FAM117A: variants seen among roughly 807,000 people sequenced by gnomAD.
The protein encoded by FAM117A is family with sequence similarity 117 member A.
FAM117A carries 21 observed loss-of-function variants against 44.1 expected under a neutral mutation model. That is an observed-to-expected ratio of 0.48 (90% CI 0.34 to 0.69). The LOEUF (loss-of-function observed/expected upper bound fraction) is 0.69, where lower values mean the gene tolerates loss of function less well. FAM117A is among the 30% of genes least tolerant of loss of function. The probability of loss-of-function intolerance (pLI) is 0.01; values close to 1 mark genes in which losing one functional copy is unlikely to be tolerated. For synonymous variants in FAM117A, 220 were observed against 238.3 expected (o/e 0.92, Z 0.71); for missense variants, 498 against 589.9 (o/e 0.84, Z 1.61).
At chr17:49,718,284 G>A (rs753219546) in intron 5 of FAM117A, among the ~76,000 whole-genome samples, 1 of 152,194 alleles carries the variant, frequency 6.6e-6, no homozygotes, top group Non-Finnish European at 1.5e-5. Context: ...CCAACTAGTA[G>A]GTAAATCATA....
intron 2 of FAM117A, among the ~76,000 whole-genome samples, chr17:49,726,971 C>A (rs1201051524): frequency 6.7e-6 from 1 of 150,166 alleles, no homozygotes; most frequent in Non-Finnish European, 1.5e-5. Flanking sequence ...AGAGTGAGAC[C>A]CTGTCTCAAA....
chr17:49,720,505 A>T lies in FAM117A; in HGVS notation c.463-69T>A, dbSNP rs188256362. ...CCAAAGTGCACTGGGTCCCTCTTCC[A>T]AAGAGTGGCTCCTGGCAGAGGCCCA... On this transcript the variant is annotated intron_variant, in intron 3 of 7. Coordinates refer to ENST00000240364, the MANE Select transcript of FAM117A (RefSeq NM_030802.4). The T allele has an allele frequency of 9.9e-4, 1,194 of 1,206,666 alleles. 3 individuals are homozygous for T. Among genetic ancestry groups the T allele is most frequent in the Middle Eastern group, 2.5e-3 (13 of 5,280 alleles). 74.7% of individuals were successfully genotyped at this position (1,206,666 alleles called of 1,614,324 possible).
intron 2 of FAM117A, among the ~76,000 whole-genome samples, chr17:49,729,684 T>C (rs1424218484): frequency 5.3e-5 from 8 of 151,922 alleles, no homozygotes; most frequent in African/African-American, 1.9e-4. Context: ...TTTTGTATTT[T>C]TAGTAGAGAT....
chr17:49,767,035 C>A (rs1469708623), upstream of FAM117A, among the ~76,000 whole-genome samples: 1 of 152,150 alleles, frequency 6.6e-6, no homozygotes, highest in Admixed American at 6.5e-5. Context: ...AAGTTGCTGG[C>A]AAGACACTAA....
chr17:49,738,864 C>T (rs939342659), intron 1 of FAM117A, among the ~76,000 whole-genome samples: 12 of 152,174 alleles, frequency 7.9e-5, no homozygotes, highest in Admixed American at 3.9e-4. Flanking sequence ...CAAACCTCAT[C>T]GCAAGTGGTT....
Position 49,785,756 on chromosome 17 carries a change from T to C in FAM117A, c.-621+2741A>G, listed in dbSNP as rs149047006. On this transcript the variant is annotated intron_variant, in intron 1 of 7. Coordinates refer to the FAM117A transcript ENST00000513602. ...CAGCAGTTAAGTGCAAAATAACATA[T>C]CATTACGCCCTACTACCTTACAAAG... Among the ~76,000 whole-genome samples, 235 of 152,290 alleles carry C rather than the reference T, an allele frequency of 1.5e-3. 1 individual carries two copies. The highest frequency in any genetic ancestry group is 5.6e-3 in the African/African-American group (232 of 41,546).
chr17:49,754,472 T>G (rs1005605204), intron 1 of FAM117A, among the ~76,000 whole-genome samples: 17 of 151,864 alleles, frequency 1.1e-4, no homozygotes, highest in African/African-American at 4.1e-4. Flanking sequence ...GCCCGGCTAA[T>G]TTTTTGTATT....
chr17:49,719,330 G>A (rs2073521744), intron 5 of FAM117A, among the ~76,000 whole-genome samples: 1 of 152,206 alleles, frequency 6.6e-6, no homozygotes, highest in Non-Finnish European at 1.5e-5. Context: ...TGGAGTCGGG[G>A]AGAAGGCTGC....
intron 7 of FAM117A, among the ~76,000 whole-genome samples, chr17:49,713,249 G>C (rs927332672): frequency 6.6e-6 from 1 of 152,088 alleles, no homozygotes; most frequent in Non-Finnish European, 1.5e-5. Flanking sequence ...AGGAAGATGG[G>C]ATGATAAAAG....
chr17:49,743,728 CAAAAAAAT>C (rs1175929402), intron 1 of FAM117A, among the ~76,000 whole-genome samples: 2 of 149,270 alleles, frequency 1.3e-5, no homozygotes, highest in African/African-American at 2.5e-5. Context: ...GACTCTGTCT[CAAAAAAAT>C]AAAAAAATAA....
At chr17:49,758,639 AAATAAATAAAT>A (rs2073709477) in intron 1 of FAM117A, among the ~76,000 whole-genome samples, 7 of 35,114 alleles carry the variant, frequency 2.0e-4, no homozygotes, top group East Asian at 8.6e-4. Flanking sequence ...AAAAAAAATA[AAATAAATAAAT>A]AAATAAATAA....
chr17:49,744,414 G>A (rs1321967831), intron 1 of FAM117A, among the ~76,000 whole-genome samples: 1 of 151,996 alleles, frequency 6.6e-6, no homozygotes, highest in Non-Finnish European at 1.5e-5. Context: ...CAAAGTGCTG[G>A]GATTACAGGC....
intron 1 of FAM117A, among the ~76,000 whole-genome samples, chr17:49,749,575 C>CAAAA (rs1167215497): frequency 4.4e-5 from 2 of 45,878 alleles, no homozygotes; most frequent in Non-Finnish European, 1.0e-4. Flanking sequence ...GACTCCGTCT[C>CAAAA]AAAAAAAAAA....
intron 2 of FAM117A, among the ~76,000 whole-genome samples, chr17:49,730,982 G>A (rs1567829177): frequency 6.6e-6 from 1 of 152,146 alleles, no homozygotes; most frequent in Non-Finnish European, 1.5e-5. Flanking sequence ...CATAGAACTG[G>A]AATCCAGACT....
At chr17:49,758,535 A>C (rs1310568840) in intron 1 of FAM117A, among the ~76,000 whole-genome samples, 3 of 150,600 alleles carry the variant, frequency 2.0e-5, no homozygotes, top group African/African-American at 7.4e-5. Context: ...GAGGCAGGAG[A>C]ACTGCTTGAA....
chr17:49,784,605 A>C (rs1434619832), intron 1 of FAM117A, among the ~76,000 whole-genome samples: 1 of 152,182 alleles, frequency 6.6e-6, no homozygotes, highest in East Asian at 1.9e-4. Context: ...TTTTCTTTGC[A>C]TGGAAAACCC....
intron 1 of FAM117A, among the ~76,000 whole-genome samples, chr17:49,785,230 CA>C (rs2073802261): frequency 6.6e-6 from 1 of 152,168 alleles, no homozygotes; most frequent in Non-Finnish European, 1.5e-5. Context: ...AAAACTTGTC[CA>C]AGGCCGGGCA....
At chr17:49,717,953 TAA>T (rs2073513162) in intron 5 of FAM117A, 1 of 388,626 alleles carries the variant, frequency 2.6e-6, no homozygotes, top group Admixed American at 4.2e-5. Context: ...GTCCAATGTA[TAA>T]TTACATATTC....
intron 1 of FAM117A, among the ~76,000 whole-genome samples, chr17:49,748,516 A>T (rs1350139020): frequency 2.0e-5 from 3 of 152,216 alleles, no homozygotes; most frequent in Non-Finnish European, 4.4e-5. Flanking sequence ...GGCAGTGTGT[A>T]TAACTTCATC....
Sources: gnomAD v4.1 joint callset for allele counts (sites outside exome capture counted in the v4.1 genomes callset) on GRCh38, gnomAD v4.1.1 for gene constraint, MANE v1.5 for transcripts, NCBI Gene and HGNC (gene_info 2026-07-23, HGNC 2026-07-21) for gene names.